The following OMD variants were observed in gnomAD, a reference collection of about 807,000 sequenced individuals.
The protein encoded by OMD is KSPG osteomodulin.
OMD carries 19 observed loss-of-function variants against 31.2 expected under a neutral mutation model. The ratio of observed to expected loss-of-function variants is 0.61; its 90% confidence interval spans 0.42 to 0.89. OMD has a LOEUF of 0.89. OMD is among the 40% of genes least tolerant of loss of function. The pLI is 0.00. For synonymous variants in OMD, 155 were observed against 166.4 expected, an observed-to-expected ratio of 0.93 and a Z score of 0.53; for missense variants, 448 against 490.8, an observed-to-expected ratio of 0.91 and a Z score of 0.82.
intron 1 of OMD, among the ~76,000 whole-genome samples, chr9:92,417,867 C>T (rs1843666409): frequency 2.0e-5 from 3 of 151,994 alleles, no homozygotes; most frequent in Admixed American, 6.6e-5. Context: ...GCTGGGACTA[C>T]AGGTGCATGC....
chr9:92,415,897 T>C (rs1843579809), intron 2 of OMD, among the ~76,000 whole-genome samples: 1 of 145,822 alleles, frequency 6.9e-6, no homozygotes, highest in Admixed American at 6.9e-5. Flanking sequence ...TTTTTTTTTT[T>C]CCTGTTGCAA....
intron 2 of OMD, 91 bp downstream of exon 2, chr9:92,416,528 T>A: frequency 1.3e-6 from 1 of 798,716 alleles, no homozygotes; most frequent in Non-Finnish European, 1.9e-6. Flanking sequence ...TTTTCAGCAA[T>A]GTCTAAAGCA....
At chr9:92,418,445 T>C (rs1379495740) in intron 1 of OMD, among the ~76,000 whole-genome samples, 1 of 152,008 alleles carries the variant, frequency 6.6e-6, no homozygotes, top group Non-Finnish European at 1.5e-5. Context: ...AAGTCTGGTA[T>C]ACTAGACTTT....
At position 92,413,806 on chromosome 9, in the gene OMD, C is replaced by A. The variant is rs779215162; in HGVS notation, c.*1346G>T. Among the ~76,000 whole-genome samples, 13 of 152,058 alleles carry A rather than the reference C, an allele frequency of 8.5e-5. No homozygotes were observed. Among genetic ancestry groups the A allele is most frequent in the Non-Finnish European group, 1.8e-4 (12 of 68,008 alleles). ...ATTCATCCTGGATTCTTGAGGTTGT[C>A]CCTGGGAACAGGTGGGCGTTCTGGT... is the stretch of plus-strand genomic sequence containing the variant. On this transcript the variant is annotated 3_prime_UTR_variant, in exon 3 of 3. Transcript: ENST00000375550.
rs376323161 is a variant in OMD at position 92,416,880 on chromosome 9, T to C, written c.679A>G (p.Met227Val). Residue 227 changes from methionine (M) to valine (V), a missense_variant, in exon 2 of 3, where the codon ATG becomes GTG. By Grantham distance (21) the Met-to-Val change is conservative. Transcript: ENST00000375550. ...LNLCSNRLES[M>V]PPGLPSSLMY... Reference sequence around the variant, plus strand: ...AGTGAAGAAGGCAAACCAGGAGGCATTGATTCTAATCTGTTACTGCAGAGG... The same window carrying C: ...AGTGAAGAAGGCAAACCAGGAGGCACTGATTCTAATCTGTTACTGCAGAGG... 6.2e-6 allele frequency: 10 copies of C among 1,613,914 alleles called. No homozygotes were observed. The highest frequency in any genetic ancestry group is 8.5e-6 in the Non-Finnish European group (10 of 1,179,966).
intron 1 of OMD, among the ~76,000 whole-genome samples, chr9:92,418,017 C>G (rs1265467047): frequency 1.3e-5 from 2 of 148,726 alleles, no homozygotes; most frequent in Non-Finnish European, 3.0e-5. Context: ...TGTGAGCCAC[C>G]ACGCCTGGCC....
rs1023230445 is a variant in OMD at position 92,413,104 on chromosome 9, C to A, written c.*2048G>T. ...GGTTTAGGCAATTCTCCTGCCTCAG[C>A]CTCGCAAGTAGCCGGGATTACAGGC... On this transcript the variant is annotated 3_prime_UTR_variant, in exon 3 of 3. Coordinates refer to ENST00000375550, the MANE Select transcript of OMD (RefSeq NM_005014.3). Among the ~76,000 whole-genome samples, 2 of 150,614 alleles carry A rather than the reference C, an allele frequency of 1.3e-5. No individual in the cohort carries two copies.
Position 92,417,372 on chromosome 9 carries a change from C to T in OMD, c.187G>A (p.Val63Ile). The part of the protein sequence containing the change: ...VPFHQYTLGC[V>I]SECFCPTNFP... ...TTAGTTGGACAGAAGCATTCACTGACACAGCCTAAAGTATACTGATGAAAA... is the reference window on the plus strand; with the variant it reads ...TTAGTTGGACAGAAGCATTCACTGATACAGCCTAAAGTATACTGATGAAAA... The change falls in exon 2 of 3, where the codon GTC becomes ATC. Residue 63 changes from valine to isoleucine, a missense_variant. By Grantham distance (29) the Val-to-Ile change is conservative. Transcript: ENST00000375550. 6.2e-7 allele frequency: 1 copy of T among 1,614,062 alleles called. No individual in the cohort carries two copies. The highest frequency in any genetic ancestry group is 8.5e-7 in the Non-Finnish European group (1 of 1,179,986).
rs926181631 is a variant in OMD at position 92,417,481 on chromosome 9, C to T, written c.78G>A (p.Gln26=). ...VKVHCQYETY[Q]WDEDYDQEPD... The stretch of plus-strand genomic sequence containing the variant: ...GCTCTTGGTCATAGTCTTCATCCCA[C>T]TGATAAGTTTCATATTGGCAATGTA... Residue 26 remains glutamine (Q), a synonymous_variant, in exon 2 of 3, where the codon CAG becomes CAA. Transcript: ENST00000375550. The T allele has an allele frequency of 2.5e-6, 4 of 1,613,670 alleles. No individual in the cohort carries two copies. The African/African-American group carries it at 5.3e-5, about 22-fold the overall frequency.
chr9:92,417,691 T>C (rs1843660320), intron 1 of OMD, 117 bp from the exon 2 acceptor site: 1 of 635,140 alleles, frequency 1.6e-6, no homozygotes, highest in African/African-American at 1.9e-5. Context: ...TAAAAGAATA[T>C]CCAGAAAGAA....
At position 92,413,555 on chromosome 9, in the gene OMD, G is replaced by A. The variant is rs116752208; in HGVS notation, c.*1597C>T. Reference sequence around the variant, plus strand: ...CTAAAACACCTATAGTATTTTCCACGTATTAACTCTTAATGTTTGAATTTA... The same window carrying A: ...CTAAAACACCTATAGTATTTTCCACATATTAACTCTTAATGTTTGAATTTA... On this transcript the variant is annotated 3_prime_UTR_variant, in exon 3 of 3. Coordinates refer to ENST00000375550, the MANE Select transcript of OMD (RefSeq NM_005014.3). 4.6e-3 allele frequency among the ~76,000 whole-genome samples: 695 copies of A among 152,096 alleles called. 12 individuals are homozygous for A. The highest frequency in any genetic ancestry group is 0.016 in the African/African-American group (662 of 41,478).
chr9:92,420,285 C>T (rs1470969836), intron 1 of OMD, among the ~76,000 whole-genome samples: 2 of 152,180 alleles, frequency 1.3e-5, no homozygotes, highest in Non-Finnish European at 2.9e-5. Context: ...TCATCCATAC[C>T]TCCCAACATT....
rs1843586817 is a variant in OMD at position 92,416,027 on chromosome 9, T to A, written c.941-550A>T. Among the ~76,000 whole-genome samples, 6 of 138,322 alleles carry A rather than the reference T, an allele frequency of 4.3e-5. No homozygotes were observed. In the South Asian group the frequency reaches 1.4e-3, roughly 33 times the overall value. The allele number at this position is 138,322 out of a possible 152,430, so 90.7% of individuals were successfully genotyped here. On this transcript the variant is annotated intron_variant, in intron 2 of 2. Transcript: ENST00000375550. Reference sequence around the variant, plus strand: ...ATATATAAAAGAGAATATATATTTTTTATATATAAATAAATATATTATATA... The same window carrying A: ...ATATATAAAAGAGAATATATATTTTATATATATAAATAAATATATTATATA...
chr9:92,418,736 A>G (rs1161505880), intron 1 of OMD, among the ~76,000 whole-genome samples: 1 of 152,164 alleles, frequency 6.6e-6, no homozygotes, highest in Non-Finnish European at 1.5e-5. Flanking sequence ...TTTGTGTGAT[A>G]ACTTCAGATA....
rs570230349 is a variant in OMD at position 92,420,698 on chromosome 9, T to A, written c.-16-3124A>T. Among the ~76,000 whole-genome samples, 919 of 152,314 alleles carry A rather than the reference T, an allele frequency of 6.0e-3. 3 individuals carry two copies. Among genetic ancestry groups the A allele is most frequent in the Non-Finnish European group, 8.9e-3 (606 of 68,024 alleles). Reference sequence around the variant, plus strand: ...AAGATATCATTTATTTCTATTTTCTTATATGTATCCCTACCTACAAGAAAA... The same window carrying A: ...AAGATATCATTTATTTCTATTTTCTAATATGTATCCCTACCTACAAGAAAA... On this transcript the variant is annotated intron_variant, in intron 1 of 2. Transcript: ENST00000375550.
In OMD at chr9:92,416,052, ATG is replaced by A. The variant is rs1292606240; in HGVS notation, c.940+565_940+566del. ...TTATATATAAATAAATATATTATAT[ATG>A]TGTGTATATATATATATTTATTTAT... On this transcript the variant is annotated intron_variant, in intron 2 of 2. Transcript: ENST00000375550. Among the ~76,000 whole-genome samples the A allele has an allele frequency of 2.9e-3, 265 of 90,650 alleles. 3 individuals are homozygous for A. The highest frequency in any genetic ancestry group is 7.2e-3 in the African/African-American group (217 of 30,124). The allele number at this position is 90,650 out of a possible 152,430, so 59.5% of individuals were successfully genotyped here. A position where few individuals can be genotyped will look rare whatever the true frequency, so the allele number is the denominator to read the frequency against.
chr9:92,420,452 T>C (rs1843755356), intron 1 of OMD, among the ~76,000 whole-genome samples: 1 of 152,194 alleles, frequency 6.6e-6, no homozygotes, highest in Non-Finnish European at 1.5e-5. Flanking sequence ...CAGCTGAATG[T>C]AACTAAAGAA....
chr9:92,419,490 G>A (rs553206235), intron 1 of OMD, among the ~76,000 whole-genome samples: 35 of 151,800 alleles, frequency 2.3e-4, no homozygotes, highest in Middle Eastern at 3.2e-3. Flanking sequence ...TAGTAGAGAT[G>A]GAGTTTCACC....
At position 92,416,953 on chromosome 9, in the gene OMD, CAGAG is replaced by C. The variant is rs1434641269; in HGVS notation, c.602_605del (p.Ser201CysfsTer2). On this transcript the variant is annotated frameshift_variant, in exon 2 of 3. Coordinates refer to ENST00000375550, the MANE Select transcript of OMD (RefSeq NM_005014.3). LOFTEE classifies it high-confidence loss of function. ...TTTTGGCAAAGATTTTGTCTTTTAG[CAGAG>C]AATCATGAAGATAATTATAACAGAG... 6.2e-7 allele frequency: 1 copy of C among 1,613,774 alleles called. No homozygotes were observed. The highest frequency in any genetic ancestry group is 1.3e-5 in the African/African-American group (1 of 74,900).
Sources: gnomAD v4.1 joint callset for allele counts (sites outside exome capture counted in the v4.1 genomes callset) on GRCh38, gnomAD v4.1.1 for gene constraint, MANE v1.5 for transcripts, NCBI Gene and HGNC (gene_info 2026-07-23, HGNC 2026-07-21) for gene names.